The following LRCH1 variants were observed in gnomAD, a reference collection of about 807,000 sequenced individuals.
LRCH1 encodes leucine-rich repeat and calponin homology domain-containing protein 1.
Under a neutral mutation model 94.9 loss-of-function variants are expected in LRCH1, and 23 were observed. The observed-to-expected ratio is 0.24, with a 90% CI of 0.17 to 0.34. The LOEUF is 0.34. LRCH1 is among the 10% of genes least tolerant of loss of function. The probability of loss-of-function intolerance (pLI) is 1.00; values close to 1 mark genes in which losing one functional copy is unlikely to be tolerated. For synonymous variants in LRCH1, 364 were observed against 354.9 expected, an observed-to-expected ratio of 1.03 and a Z score of -0.29; for missense variants, 790 against 945.9, an observed-to-expected ratio of 0.84 and a Z score of 2.16.
chr13:46,744,614 C>G lies in LRCH1; in HGVS notation c.*2766C>G. 2.0e-6 allele frequency: 2 copies of G among 985,376 alleles called. No individual in the cohort carries two copies. Among genetic ancestry groups the G allele is most frequent in the Non-Finnish European group, 2.4e-6 (2 of 829,934 alleles). The allele number at this position is 985,376 out of a possible 1,614,324, so 61.0% of individuals were successfully genotyped here. On this transcript the variant is annotated 3_prime_UTR_variant, in exon 20 of 20. Coordinates refer to ENST00000389797, the MANE Select transcript of LRCH1 (RefSeq NM_001164211.2). ...TAGATAAATAAAGGCACTTGATAGC[C>G]TGCTGCTATTTGTTTGTAAGAAATT...
At chr13:46,697,001 G>C (rs1296078003) in intron 9 of LRCH1, among the ~76,000 whole-genome samples, 2 of 152,218 alleles carry the variant, frequency 1.3e-5, no homozygotes, top group Non-Finnish European at 2.9e-5. Context: ...TTGGGAGAGT[G>C]AGTCTTCAGT....
chr13:46,572,615 C>G (rs919423365), intron 1 of LRCH1, among the ~76,000 whole-genome samples: 3 of 152,078 alleles, frequency 2.0e-5, no homozygotes, highest in African/African-American at 7.2e-5. Context: ...AAAAGCTCGA[C>G]AAAATCTCCC....
At chr13:46,577,233 A>G (rs921966464) in intron 1 of LRCH1, among the ~76,000 whole-genome samples, 6 of 152,072 alleles carry the variant, frequency 3.9e-5, no homozygotes, top group African/African-American at 1.4e-4. Context: ...AGTAGCTAGG[A>G]TTACAGGCAC....
rs973334425 is a variant in LRCH1, at chr13:46,743,779, T to C, written c.*1931T>C. ...ACTGGGTTGCCACCTTAAAATAATATCAATAAAAACTGAGTAGGACACTCA... is the reference window on the plus strand; with the variant it reads ...ACTGGGTTGCCACCTTAAAATAATACCAATAAAAACTGAGTAGGACACTCA... On this transcript the variant is annotated 3_prime_UTR_variant, in exon 20 of 20. Coordinates refer to ENST00000389797, the MANE Select transcript of LRCH1 (RefSeq NM_001164211.2). The C allele has an allele frequency of 3.1e-5, 31 of 984,258 alleles. No individual in the cohort carries two copies. Among genetic ancestry groups the C allele is most frequent in the Non-Finnish European group, 3.7e-5 (31 of 829,066 alleles). The allele number at this position is 984,258 out of a possible 1,614,324, so 61.0% of individuals were successfully genotyped here. A position where few individuals can be genotyped will look rare whatever the true frequency, so the allele number is the denominator to read the frequency against.
At chr13:46,636,204 G>A (rs2051087540) in intron 1 of LRCH1, among the ~76,000 whole-genome samples, 1 of 151,218 alleles carries the variant, frequency 6.6e-6, no homozygotes, top group African/African-American at 2.4e-5. Flanking sequence ...CGAGTAGCTG[G>A]AATTACAGGC....
chr13:46,585,161 T>G (rs7328294), intron 1 of LRCH1, among the ~76,000 whole-genome samples: 12 of 152,242 alleles, frequency 7.9e-5, no homozygotes, highest in Non-Finnish European at 1.6e-4. Flanking sequence ...TTAGTAAGGC[T>G]TTAGAAATGA....
intron 1 of LRCH1, among the ~76,000 whole-genome samples, chr13:46,634,020 C>T (rs889166880): frequency 3.5e-4 from 53 of 151,972 alleles, no homozygotes; most frequent in African/African-American, 1.3e-3. Flanking sequence ...GCTGGGATTA[C>T]AGGTGTGCAC....
At chr13:46,753,020 TA>T (rs1386053688) in exon 19 of LRCH1, 1 of 151,938 alleles carries the variant, frequency 6.6e-6, no homozygotes, top group Non-Finnish European at 1.5e-5. Flanking sequence ...TAACAGCCAT[TA>T]AAATCTTGGA....
intron 1 of LRCH1, among the ~76,000 whole-genome samples, chr13:46,603,211 C>T (rs2050650747): frequency 6.6e-6 from 1 of 151,956 alleles, no homozygotes; most frequent in Non-Finnish European, 1.5e-5. Context: ...TGGTGTGGCC[C>T]TGTTTTCTGA....
chr13:46,607,516 T>C (rs547192482), intron 1 of LRCH1, among the ~76,000 whole-genome samples: 2 of 152,316 alleles, frequency 1.3e-5, no homozygotes, highest in South Asian at 4.1e-4. Context: ...GGAAATACCA[T>C]GTGCATAAAT....
At chr13:46,655,674 C>T in intron 2 of LRCH1, among the ~76,000 whole-genome samples, 1 of 152,098 alleles carries the variant, frequency 6.6e-6, no homozygotes, top group East Asian at 1.9e-4. Context: ...GTTGATGAGC[C>T]TCATGAAGAA....
At chr13:46,556,972 T>G (rs781028468) in intron 1 of LRCH1, among the ~76,000 whole-genome samples, 1 of 152,180 alleles carries the variant, frequency 6.6e-6, no homozygotes, top group Non-Finnish European at 1.5e-5. Flanking sequence ...ATGAATAAAT[T>G]GATTTTGCAG....
chr13:46,699,207 G>T, intron 9 of LRCH1, 129 bp from the exon 10 acceptor site: 1 of 691,338 alleles, frequency 1.4e-6, no homozygotes, highest in Non-Finnish European at 2.6e-6. Context: ...TCCATAGATG[G>T]CTGTTTGGCT....
At chr13:46,697,502 G>C (rs1036508895) in intron 9 of LRCH1, among the ~76,000 whole-genome samples, 1 of 152,100 alleles carries the variant, frequency 6.6e-6, no homozygotes, top group Non-Finnish European at 1.5e-5. Flanking sequence ...TGAACACAAG[G>C]CAGCACTTCA....
rs944584354 is a variant in LRCH1 at position 46,553,358 on chromosome 13, G to A, written c.-39G>A. ...TCGCGGGGAACGCTGTGACCCCCCC[G>A]CAGGAGCGGCGGGGCGGGGTGGGGG... On this transcript the variant is annotated 5_prime_UTR_variant, in exon 1 of 20. Coordinates refer to ENST00000389797, the MANE Select transcript of LRCH1 (RefSeq NM_001164211.2). 4 of 1,489,294 alleles carry A rather than the reference G, an allele frequency of 2.7e-6. No individual in the cohort carries two copies. In the African/African-American group the frequency reaches 5.6e-5, roughly 21 times the overall value. The allele number at this position is 1,489,294 out of a possible 1,614,324, so 92.3% of individuals were successfully genotyped here.
chr13:46,725,407 C>T (rs987541395), intron 17 of LRCH1, among the ~76,000 whole-genome samples: 2 of 152,182 alleles, frequency 1.3e-5, no homozygotes, highest in Non-Finnish European at 2.9e-5. Context: ...GATGTTAAAT[C>T]TTCTTTCATC....
intron 1 of LRCH1, among the ~76,000 whole-genome samples, chr13:46,612,742 G>T (rs1017250559): frequency 6.6e-6 from 1 of 152,174 alleles, no homozygotes; most frequent in Admixed American, 6.5e-5. Flanking sequence ...CCAACTCCTT[G>T]TGCATGTCTT....
intron 1 of LRCH1, among the ~76,000 whole-genome samples, chr13:46,575,072 A>G (rs951078346): frequency 2.6e-5 from 4 of 152,142 alleles, no homozygotes; most frequent in Non-Finnish European, 4.4e-5. Flanking sequence ...CAACCAAAAT[A>G]TACCTACTGG....
intron 1 of LRCH1, among the ~76,000 whole-genome samples, chr13:46,585,402 C>T (rs981153966): frequency 6.6e-6 from 1 of 151,974 alleles, no homozygotes. Context: ...ACGGTGAAAC[C>T]ACGTCTCTAC....
Sources: allele counts gnomAD v4.1 joint callset (sites outside exome capture counted in the v4.1 genomes callset), GRCh38; gene constraint gnomAD v4.1.1; transcripts MANE v1.5; gene names NCBI Gene and HGNC (gene_info 2026-07-23, HGNC 2026-07-21).